Variants in PPP1R9A observed in about 807,000 individuals in gnomAD.
PPP1R9A encodes neurabin-1.
In PPP1R9A, 59 loss-of-function variants were observed where a neutral mutation model predicts 141.9. The ratio of observed to expected loss-of-function variants is 0.42; its 90% confidence interval spans 0.34 to 0.52. The LOEUF is 0.52. PPP1R9A is among the 20% of genes least tolerant of loss of function. The pLI is 0.10. For missense variants in PPP1R9A, 1,444 were observed against 1,611.9 expected (o/e 0.90, Z 1.78); for synonymous variants, 500 against 569.7 (o/e 0.88, Z 1.74).
intron 5 of PPP1R9A, among the ~76,000 whole-genome samples, chr7:95,181,186 A>G (rs1833691576): frequency 7.6e-6 from 1 of 131,818 alleles, no homozygotes; most frequent in Non-Finnish European, 1.7e-5. Context: ...ATATCTATCT[A>G]TATATATAGA....
At chr7:94,915,991 C>T (rs1792027449) in intron 2 of PPP1R9A, among the ~76,000 whole-genome samples, 1 of 152,084 alleles carries the variant, frequency 6.6e-6, no homozygotes, top group Non-Finnish European at 1.5e-5. Flanking sequence ...TTGGTATTTC[C>T]ACTGCTTTTT....
Position 94,911,440 on chromosome 7 carries a change from G to C in PPP1R9A, c.1327G>C (p.Val443Leu), listed in dbSNP as rs1226763493. The C allele has an allele frequency of 6.2e-6, 10 of 1,613,856 alleles. No individual in the cohort carries two copies. The highest frequency in any genetic ancestry group is 8.5e-6 in the Non-Finnish European group (10 of 1,179,774). Reference protein sequence around the residue: ...YQPDMEYSEIVGLPEEEEIPA... With the variant: ...YQPDMEYSEILGLPEEEEIPA... ...GCCTGATATGGAGTACTCGGAAATT[G>C]TTGGATTGCCAGAAGAAGAAGAAAT... Residue 443 changes from valine to leucine, a missense_variant, in exon 2 of 20, where the codon GTT (valine) becomes CTT (leucine). Coordinates refer to ENST00000433360, the MANE Select transcript of PPP1R9A (RefSeq NM_001166160.2).
At chr7:95,200,873 C>G (rs1267727394) in intron 6 of PPP1R9A, among the ~76,000 whole-genome samples, 1 of 152,116 alleles carries the variant, frequency 6.6e-6, no homozygotes, top group Non-Finnish European at 1.5e-5. Context: ...AATGCAGCAA[C>G]TGAGGTTTTT....
intron 2 of PPP1R9A, among the ~76,000 whole-genome samples, chr7:94,919,307 T>C: frequency 3.5e-5 from 1 of 28,282 alleles, no homozygotes; most frequent in Admixed American, 3.2e-4. Flanking sequence ...TTACATTTTT[T>C]TTTTTTTTTT....
intron 19 of PPP1R9A, among the ~76,000 whole-genome samples, chr7:95,288,997 A>G (rs1024582757): frequency 3.3e-5 from 5 of 152,142 alleles, no homozygotes; most frequent in African/African-American, 1.2e-4. Flanking sequence ...AACTCTCCTT[A>G]CATCTGATGT....
chr7:95,135,524 C>T (rs545608624), intron 4 of PPP1R9A, among the ~76,000 whole-genome samples: 1 of 152,060 alleles, frequency 6.6e-6, no homozygotes, highest in East Asian at 1.9e-4. Context: ...TTTATTTTTG[C>T]CCATTAAGGC....
intron 12 of PPP1R9A, among the ~76,000 whole-genome samples, chr7:95,266,426 C>A (rs1801299549): frequency 6.6e-6 from 1 of 151,876 alleles, no homozygotes; most frequent in Non-Finnish European, 1.5e-5. Context: ...CTAGTCACGT[C>A]ATATATGATT....
chr7:95,078,668 C>T (rs1815262258), intron 2 of PPP1R9A, among the ~76,000 whole-genome samples: 1 of 152,176 alleles, frequency 6.6e-6, no homozygotes, highest in Admixed American at 6.5e-5. Flanking sequence ...TAATGATTGC[C>T]ATTCTAACTG....
At chr7:95,124,238 A>G (rs934807242) in intron 4 of PPP1R9A, among the ~76,000 whole-genome samples, 5 of 152,194 alleles carry the variant, frequency 3.3e-5, no homozygotes, top group Admixed American at 3.3e-4. Context: ...CAGTTCCTCT[A>G]GTCAATAATA....
chr7:95,198,045 G>A (rs912471453), intron 5 of PPP1R9A, among the ~76,000 whole-genome samples: 3 of 152,070 alleles, frequency 2.0e-5, no homozygotes, highest in Non-Finnish European at 2.9e-5. Context: ...ATTTTGTATG[G>A]CATCAAAAAT....
At chr7:95,184,903 A>T (rs531485316) in intron 5 of PPP1R9A, among the ~76,000 whole-genome samples, 60 of 152,036 alleles carry the variant, frequency 3.9e-4, no homozygotes, top group African/African-American at 1.4e-3. Flanking sequence ...ATCTTTTTGC[A>T]GTTGAGAATT....
chr7:95,226,005 T>C lies in PPP1R9A; in HGVS notation c.2001T>C (p.Pro667=). Residue 667 remains proline (P), a synonymous_variant, in exon 8 of 20, where the codon CCT becomes CCC. Coordinates refer to ENST00000433360, the MANE Select transcript of PPP1R9A (RefSeq NM_001166160.2). The part of the protein sequence containing the change: ...ATDEEEDEVG[P]VLPGSDMAIE... ...ATGAAGAAGAAGATGAGGTAGGACC[T>C]GTCCTTCCTGGCAGCGACATGGCCA... The C allele has an allele frequency of 6.2e-7, 1 of 1,613,444 alleles. No homozygotes were observed. The highest frequency in any genetic ancestry group is 8.5e-7 in the Non-Finnish European group (1 of 1,179,522).
chr7:95,025,399 C>T (rs1179596700), intron 2 of PPP1R9A, among the ~76,000 whole-genome samples: 2 of 151,980 alleles, frequency 1.3e-5, no homozygotes, highest in East Asian at 3.9e-4. Context: ...GAATATTGGC[C>T]CCCACTCTCT....
At chr7:95,159,788 T>G (rs936180261) in intron 4 of PPP1R9A, among the ~76,000 whole-genome samples, 3 of 151,456 alleles carry the variant, frequency 2.0e-5, no homozygotes, top group African/African-American at 7.3e-5. Context: ...TAGCCGGGCT[T>G]GGTGGTGCAT....
At chr7:95,207,908 A>G (rs1791190969) in intron 7 of PPP1R9A, among the ~76,000 whole-genome samples, 1 of 152,194 alleles carries the variant, frequency 6.6e-6, no homozygotes, top group Admixed American at 6.5e-5. Context: ...CTTCATAGAG[A>G]AAAACAAAAT....
chr7:95,072,891 A>G (rs1460042115), intron 2 of PPP1R9A, among the ~76,000 whole-genome samples: 1 of 118,592 alleles, frequency 8.4e-6, no homozygotes, highest in African/African-American at 3.3e-5. Flanking sequence ...ATAATATACC[A>G]TATATAGCAT....
intron 2 of PPP1R9A, among the ~76,000 whole-genome samples, chr7:95,085,972 G>C (rs987495898): frequency 6.6e-6 from 1 of 151,426 alleles, no homozygotes; most frequent in African/African-American, 2.4e-5. Context: ...TTTATTTTCT[G>C]TATGACGTGA....
In PPP1R9A at chr7:95,286,162, A is replaced by G. The variant is rs199780811; in HGVS notation, c.3610-44A>G. ...TTGTAGACACACCTACCTCTTGCTC[A>G]CTCACTGCACTCATTTAACACTGAG... is the stretch of plus-strand genomic sequence containing the variant. On this transcript the variant is annotated intron_variant, in intron 17 of 19. Coordinates refer to ENST00000433360, the MANE Select transcript of PPP1R9A (RefSeq NM_001166160.2). The G allele has an allele frequency of 8.1e-6, 13 of 1,605,810 alleles. No homozygotes were observed. In the East Asian group the frequency reaches 2.9e-4, roughly 36 times the overall value.
In PPP1R9A at chr7:95,293,156, C is replaced by G. The variant is rs1267400787; in HGVS notation, c.*2853C>G. 6.6e-6 allele frequency: 1 copy of G among 152,142 alleles called. No individual in the cohort carries two copies. Among genetic ancestry groups the G allele is most frequent in the Admixed American group, 6.6e-5 (1 of 15,260 alleles). 9.4% of individuals were successfully genotyped at this position (152,142 alleles called of 1,614,324 possible). A position where few individuals can be genotyped will look rare whatever the true frequency, so the allele number is the denominator to read the frequency against. ...GGGAATGTGTGGTGAGGAGGCCAAG[C>G]TGCAGACAGAAAGCATTGTATGAGC... On this transcript the variant is annotated 3_prime_UTR_variant, in exon 20 of 20. Transcript: ENST00000433360.
Sources: gnomAD v4.1 joint callset for allele counts (sites outside exome capture counted in the v4.1 genomes callset) on GRCh38, gnomAD v4.1.1 for gene constraint, MANE v1.5 for transcripts, NCBI Gene and HGNC (gene_info 2026-07-23, HGNC 2026-07-21) for gene names.